Variants in SPSB3 observed in about 807,000 individuals in gnomAD.
SPSB3 encodes the protein SPRY domain-containing SOCS box protein 3.
Under a neutral mutation model 29.5 loss-of-function variants are expected in SPSB3, and 18 were observed. That is an observed-to-expected ratio of 0.61 (90% CI 0.42 to 0.91). The LOEUF is 0.91. Ranked by LOEUF, SPSB3 falls within the 40% of genes least tolerant of loss-of-function variation. The probability of loss-of-function intolerance (pLI) is 0.00; values close to 1 mark genes in which losing one functional copy is unlikely to be tolerated. For missense variants in SPSB3, 540 were observed against 507.5 expected, an observed-to-expected ratio of 1.06 and a Z score of -0.61; for synonymous variants, 299 against 214.1, an observed-to-expected ratio of 1.40 and a Z score of -3.46.
At chr16:1,778,698 C>G in intron 2 of SPSB3, 86 bp from the exon 3 acceptor site, 1 of 1,441,232 alleles carries the variant, frequency 6.9e-7, no homozygotes. Flanking sequence ...CACCCTGTCC[C>G]TGACCCACCC....
In SPSB3 at chr16:1,781,511, G is replaced by C. The variant is rs1434003340; in HGVS notation, c.-12-16C>G. 1.9e-5 allele frequency: 31 copies of C among 1,608,070 alleles called. No homozygotes were observed. Among genetic ancestry groups the C allele is most frequent in the Non-Finnish European group, 2.6e-5 (31 of 1,177,532 alleles). ...TGGAAAGAATCTAGAAGAAAACACA[G>C]GCTCTGGGCAAAGGAAGACTCACAG... is the stretch of plus-strand genomic sequence containing the variant. On this transcript the variant is annotated splice_polypyrimidine_tract_variant and intron_variant, in intron 1 of 6. Coordinates refer to ENST00000566339, the MANE Select transcript of SPSB3 (RefSeq NM_080861.4).
Position 1,777,018 on chromosome 16 carries a change from GGAAGGAAGGGACAGA to G in SPSB3, c.*64_*78del. ...TCCAACTCCGCCCTGGAGTGTGGCT[GGAAGGAAGGGACAGA>G]GAAAGAAGGGACAGAGGAAAGGGGC... is the stretch of plus-strand genomic sequence containing the variant. On this transcript the variant is annotated 3_prime_UTR_variant, in exon 7 of 7. Coordinates refer to ENST00000566339, the MANE Select transcript of SPSB3 (RefSeq NM_080861.4). The G allele has an allele frequency of 1.3e-6, 2 of 1,496,532 alleles. No homozygotes were observed. Among genetic ancestry groups the G allele is most frequent in the East Asian group, 2.3e-5 (1 of 44,014 alleles). 92.7% of individuals were successfully genotyped at this position (1,496,532 alleles called of 1,614,324 possible).
chr16:1,782,341 C>A (rs1896752215), intron 1 of SPSB3, 161 bp downstream of exon 1: 1 of 151,802 alleles, frequency 6.6e-6, no homozygotes, highest in South Asian at 2.1e-4. Flanking sequence ...CTCCCGCGGG[C>A]GCGCGGGTTC....
chr16:1,778,152 G>T lies in SPSB3; in HGVS notation c.474C>A (p.Pro158=). ...QHFWEIKMTS[P]VYGTDMMVGI... ...AACTTACCATGTCGGTGCCGTAGACGGGAGAGGTCATCTTGATCTCCCAGA... is the reference window on the plus strand; with the variant it reads ...AACTTACCATGTCGGTGCCGTAGACTGGAGAGGTCATCTTGATCTCCCAGA... Residue 158 remains proline (P), a synonymous_variant, in exon 4 of 7, where the codon CCC becomes CCA. Transcript: ENST00000566339. 6.2e-7 allele frequency: 1 copy of T among 1,612,688 alleles called. No homozygotes were observed. Among genetic ancestry groups the T allele is most frequent in the Non-Finnish European group, 8.5e-7 (1 of 1,179,672 alleles).
chr16:1,781,229 G>A (rs756038183), intron 2 of SPSB3, 129 bp downstream of exon 2: 5 of 1,587,830 alleles, frequency 3.1e-6, no homozygotes, highest in South Asian at 1.1e-5. Flanking sequence ...CCCAGGTTTG[G>A]ACTGGTCCTC....
intron 1 of SPSB3, 134 bp downstream of exon 1, chr16:1,782,368 G>A (rs1197061975): frequency 6.6e-6 from 1 of 151,704 alleles, no homozygotes; most frequent in African/African-American, 2.4e-5. Flanking sequence ...CGGCGGCACC[G>A]GGGAAGCCTC....
At chr16:1,777,532 G>A (rs901864621) in intron 6 of SPSB3, 89 bp from the exon 7 acceptor site, 103 of 1,389,902 alleles carry the variant, frequency 7.4e-5, no homozygotes, top group Non-Finnish European at 9.2e-5. Context: ...ACAGTCACCC[G>A]GGTGGGCAGC....
At chr16:1,781,830 C>T (rs923276383) in intron 1 of SPSB3, 13 of 303,146 alleles carry the variant, frequency 4.3e-5, no homozygotes, top group South Asian at 7.3e-5. Flanking sequence ...CTCTGTCGTC[C>T]GGTTTGACAA....
Position 1,781,379 on chromosome 16 carries a change from C to G in SPSB3, c.105G>C (p.Trp35Cys). 1 of 1,612,900 alleles carries G rather than the reference C, an allele frequency of 6.2e-7. No homozygotes were observed. The highest frequency in any genetic ancestry group is 1.1e-5 in the South Asian group (1 of 91,076). ...CTACCTGCCCATCAGAGTCGTAGCC[C>G]CAGTTAGTGGAGCCTGCTAGAGCCA... Reference protein sequence around the residue: ...RAVALAGSTNWGYDSDGQHSD... With the variant: ...RAVALAGSTNCGYDSDGQHSD... Residue 35 changes from tryptophan (W) to cysteine (C), a missense_variant, in exon 2 of 7, where the codon TGG (tryptophan) becomes TGC (cysteine). Physicochemically the swap from Trp to Cys is radical, Grantham distance 215 (BLOSUM62 -2). Transcript: ENST00000566339.
At chr16:1,779,018 T>C in intron 2 of SPSB3, 1 of 179,684 alleles carries the variant, frequency 5.6e-6, no homozygotes, top group Non-Finnish European at 1.2e-5. Context: ...CCACCCGGCC[T>C]CAGGGCAGTC....
chr16:1,778,037 G>A lies in SPSB3; in HGVS notation c.504C>T (p.Ile168=), dbSNP rs749088516. 105 of 1,613,054 alleles carry A rather than the reference G, an allele frequency of 6.5e-5. No individual in the cohort carries two copies. The highest frequency in any genetic ancestry group is 3.4e-4 in the South Asian group (31 of 91,086). The stretch of plus-strand genomic sequence containing the variant: ...TGTCCAGGTCCACATCCGACGTCCC[G>A]ATGCCCACCATCTAGGAACAGGGGC... The part of the protein sequence containing the change: ...PVYGTDMMVG[I]GTSDVDLDKY... Residue 168 remains isoleucine, a synonymous_variant, in exon 5 of 7, where the codon ATC becomes ATT. Coordinates refer to ENST00000566339, the MANE Select transcript of SPSB3 (RefSeq NM_080861.4).
chr16:1,777,273 C>T lies in SPSB3; in HGVS notation c.892G>A (p.Gly298Ser), dbSNP rs774915721. The T allele has an allele frequency of 1.9e-6, 3 of 1,610,540 alleles. No individual in the cohort carries two copies. The highest frequency in any genetic ancestry group is 2.2e-5 in the East Asian group (1 of 44,882). ...LRPDSGDTLE[G>S]LPLPPGLKQV... ...TTGAGGCCCGGCGGCAGCGGCAGAC[C>T]CTCCAGCGTGTCTCCCGAGTCTGGC... Residue 298 changes from glycine to serine, a missense_variant, in exon 7 of 7, where the codon GGT (glycine) becomes AGT (serine). Gly to Ser is a moderately conservative substitution (Grantham distance 56). Transcript: ENST00000566339.
chr16:1,778,504 C>A lies in SPSB3; in HGVS notation c.235G>T (p.Ala79Ser). The A allele has an allele frequency of 6.2e-7, 1 of 1,612,076 alleles. No homozygotes were observed. The highest frequency in any genetic ancestry group is 8.5e-7 in the Non-Finnish European group (1 of 1,179,650). Residue 79 changes from alanine to serine, a missense_variant, in exon 3 of 7, where the codon GCC becomes TCC. Ala to Ser is a moderately conservative substitution (Grantham distance 99). Transcript: ENST00000566339. ...GAGTGCAGGCTGCTACAGAAGGAGG[C>A]CTCGCTCTGCCCAGCACAGTCACAG... ...SFCDCAGQSE[A>S]SFCSSLHSAH...
rs774915721 is a variant in SPSB3 at position 1,777,273 on chromosome 16, C to A, written c.892G>T (p.Gly298Cys). Residue 298 changes from glycine to cysteine, a missense_variant, in exon 7 of 7, where the codon GGT becomes TGT. By Grantham distance (159) the Gly-to-Cys change is radical (BLOSUM62 -3). Transcript: ENST00000566339. ...LRPDSGDTLE[G>C]LPLPPGLKQV... is the part of the protein sequence containing the mutation. The stretch of plus-strand genomic sequence containing the variant: ...TTGAGGCCCGGCGGCAGCGGCAGAC[C>A]CTCCAGCGTGTCTCCCGAGTCTGGC... 19 of 1,610,538 alleles carry A rather than the reference C, an allele frequency of 1.2e-5. No homozygotes were observed. The highest frequency in any genetic ancestry group is 1.6e-5 in the Non-Finnish European group (19 of 1,179,830).
chr16:1,778,153 G>T lies in SPSB3; in HGVS notation c.473C>A (p.Pro158His). Residue 158 changes from proline to histidine, a missense_variant, in exon 4 of 7, where the codon CCC becomes CAC. Coordinates refer to ENST00000566339, the MANE Select transcript of SPSB3 (RefSeq NM_080861.4). ...ACTTACCATGTCGGTGCCGTAGACG[G>T]GAGAGGTCATCTTGATCTCCCAGAA... ...QHFWEIKMTS[P>H]VYGTDMMVGI... The T allele has an allele frequency of 6.2e-7, 1 of 1,612,754 alleles. No homozygotes were observed. The highest frequency in any genetic ancestry group is 8.5e-7 in the Non-Finnish European group (1 of 1,179,682).
intron 2 of SPSB3, chr16:1,779,533 C>T (rs747345641): frequency 6.6e-6 from 1 of 152,360 alleles, no homozygotes; most frequent in Non-Finnish European, 1.5e-5. Flanking sequence ...GGACACTGTC[C>T]TTTCTGGAGG....
At chr16:1,777,627 G>C in intron 6 of SPSB3, 120 bp downstream of exon 6, 1 of 1,503,548 alleles carries the variant, frequency 6.7e-7, no homozygotes, top group South Asian at 1.3e-5. Flanking sequence ...GGGACCCTGG[G>C]GCCTCAGGCT....
At chr16:1,781,573 C>G (rs574317848) in intron 1 of SPSB3, 78 bp from the exon 2 acceptor site, 1 of 1,512,538 alleles carries the variant, frequency 6.6e-7, no homozygotes, top group African/African-American at 1.4e-5. Context: ...GGGCCACGGA[C>G]CCACTCAAAG....
In SPSB3 at chr16:1,777,195, G is replaced by T; in HGVS notation, c.970C>A (p.Arg324Ser). ...GWVLSMSCSRRKAPVSDPQAA... is the reference protein window; with the variant it reads ...GWVLSMSCSRSKAPVSDPQAA... ...TGGGGATCGGACACTGGAGCCTTGC[G>T]GCGGCTGCAACTCATGCTCAGGACC... is the stretch of plus-strand genomic sequence containing the variant. The change falls in exon 7 of 7, where the codon CGC (arginine) becomes AGC (serine). Residue 324 changes from arginine to serine, a missense_variant. By Grantham distance (110) the Arg-to-Ser change is moderately radical. Coordinates refer to ENST00000566339, the MANE Select transcript of SPSB3 (RefSeq NM_080861.4). The T allele has an allele frequency of 1.2e-6, 2 of 1,610,500 alleles. No individual in the cohort carries two copies. The highest frequency in any genetic ancestry group is 1.3e-5 in the African/African-American group (1 of 75,054).
Sources: gnomAD v4.1 joint callset for allele counts on GRCh38, gnomAD v4.1.1 for gene constraint, MANE v1.5 for transcripts, NCBI Gene and HGNC (gene_info 2026-07-23, HGNC 2026-07-21) for gene names.